ROBO1: variants seen among roughly 807,000 people sequenced by gnomAD.
ROBO1 encodes the protein roundabout homolog 1.
In ROBO1, 149 loss-of-function variants were observed where a neutral mutation model predicts 195.9. The observed-to-expected ratio is 0.76, with a 90% CI of 0.67 to 0.87. ROBO1 has a LOEUF of 0.87. ROBO1 is among the 40% of genes least tolerant of loss of function. The probability of loss-of-function intolerance (pLI) is 0.00; values close to 1 mark genes in which losing one functional copy is unlikely to be tolerated. For synonymous variants in ROBO1, 816 were observed against 733.2 expected, an observed-to-expected ratio of 1.11 and a Z score of -1.82; for missense variants, 1,933 against 2,068.3, an observed-to-expected ratio of 0.93 and a Z score of 1.27.
intron 4 of ROBO1, among the ~76,000 whole-genome samples, chr3:78,834,708 T>C (rs1349731434): frequency 6.6e-6 from 1 of 152,130 alleles, no homozygotes; most frequent in Non-Finnish European, 1.5e-5. Flanking sequence ...CTTGAGTTAC[T>C]AGGCACTGTC....
At chr3:78,924,686 C>G (rs1024480289) in intron 4 of ROBO1, among the ~76,000 whole-genome samples, 1 of 151,700 alleles carries the variant, frequency 6.6e-6, no homozygotes, top group Non-Finnish European at 1.5e-5. Context: ...TTCCTACCTC[C>G]CCTAAGTAGC....
At chr3:78,726,693 G>C (rs1479258076) in intron 5 of ROBO1, among the ~76,000 whole-genome samples, 2 of 152,134 alleles carry the variant, frequency 1.3e-5, no homozygotes, top group African/African-American at 4.8e-5. Flanking sequence ...AACTACAGAT[G>C]TGCCTGGCGT....
chr3:79,599,014 C>G (rs1222730828), intron 1 of ROBO1, among the ~76,000 whole-genome samples: 2 of 152,082 alleles, frequency 1.3e-5, no homozygotes, highest in Non-Finnish European at 2.9e-5. Flanking sequence ...CTTCACTCCC[C>G]TGCCACCTCC....
At chr3:78,628,326 C>T (rs979360624) in intron 25 of ROBO1, among the ~76,000 whole-genome samples, 1 of 152,134 alleles carries the variant, frequency 6.6e-6, no homozygotes, top group Non-Finnish European at 1.5e-5. Flanking sequence ...CCAATACAAC[C>T]CATTTTTTTT....
At chr3:79,499,818 TTTAA>T (rs1434197984) in intron 2 of ROBO1, among the ~76,000 whole-genome samples, 164 of 152,272 alleles carry the variant, frequency 1.1e-3, no homozygotes, top group African/African-American at 3.7e-3. Context: ...CAAGTTTTAA[TTTAA>T]TTAATTAATT....
intron 2 of ROBO1, among the ~76,000 whole-genome samples, chr3:79,236,793 T>G (rs907090945): frequency 6.6e-6 from 1 of 152,128 alleles, no homozygotes; most frequent in African/African-American, 2.4e-5. Flanking sequence ...AAATTAAAGA[T>G]AGTGAGCATA....
At chr3:79,704,724 T>C (rs1300092219) in intron 1 of ROBO1, among the ~76,000 whole-genome samples, 1 of 152,030 alleles carries the variant, frequency 6.6e-6, no homozygotes, top group Admixed American at 6.6e-5. Context: ...CACTGTGTCA[T>C]ATAATAGGAG....
intron 2 of ROBO1, among the ~76,000 whole-genome samples, chr3:79,330,568 C>G (rs1217860023): frequency 6.7e-6 from 1 of 149,510 alleles, no homozygotes; most frequent in African/African-American, 2.5e-5. Context: ...CTTTTTTTCA[C>G]CCTGTCTATG....
At chr3:78,809,961 C>T (rs1203844142) in intron 4 of ROBO1, among the ~76,000 whole-genome samples, 1 of 145,766 alleles carries the variant, frequency 6.9e-6, no homozygotes, top group Non-Finnish European at 1.5e-5. Context: ...ACGTTCTGCA[C>T]ATGTATCCCA....
chr3:79,190,755 G>A (rs552977019), intron 2 of ROBO1, among the ~76,000 whole-genome samples: 6 of 151,478 alleles, frequency 4.0e-5, no homozygotes, highest in East Asian at 3.9e-4. Flanking sequence ...CAAATGTCTC[G>A]CATCTCTAAG....
intron 1 of ROBO1, among the ~76,000 whole-genome samples, chr3:79,741,664 T>C (rs1330363871): frequency 1.3e-5 from 2 of 152,158 alleles, no homozygotes; most frequent in African/African-American, 4.8e-5. Context: ...AAAGTGACTT[T>C]GGAACTGGGT....
chr3:79,350,508 T>A (rs1418243185), intron 2 of ROBO1, among the ~76,000 whole-genome samples: 1 of 152,222 alleles, frequency 6.6e-6, no homozygotes. Context: ...GTAGCTATAT[T>A]CATAATAGAG....
At chr3:79,482,753 A>G (rs1016425210) in intron 2 of ROBO1, among the ~76,000 whole-genome samples, 1 of 152,232 alleles carries the variant, frequency 6.6e-6, no homozygotes, top group African/African-American at 2.4e-5. Context: ...AGATCTTCTA[A>G]GGACCGTGAT....
chr3:79,355,393 CAT>C (rs2035510653), intron 2 of ROBO1, among the ~76,000 whole-genome samples: 3 of 152,252 alleles, frequency 2.0e-5, no homozygotes, highest in East Asian at 1.9e-4. Flanking sequence ...TCACCCTAAA[CAT>C]GTGTCATTTC....
chr3:78,681,586 G>A (rs1026343636), intron 10 of ROBO1, among the ~76,000 whole-genome samples: 1 of 152,166 alleles, frequency 6.6e-6, no homozygotes, highest in African/African-American at 2.4e-5. Flanking sequence ...CTTCACGTTG[G>A]TGGAAACAAC....
In ROBO1 at chr3:78,795,067, T is replaced by C. The variant is rs542334142; in HGVS notation, c.500-48167A>G. ...GAAATTATGTCATGTGTTCAAGTTATTGATATATCACTGATATTTTCCTTG... is the reference window on the plus strand; with the variant it reads ...GAAATTATGTCATGTGTTCAAGTTACTGATATATCACTGATATTTTCCTTG... On this transcript the variant is annotated intron_variant, in intron 4 of 30. Transcript: ENST00000464233. Among the ~76,000 whole-genome samples the C allele has an allele frequency of 2.0e-4, 30 of 152,318 alleles. No homozygotes were observed. The South Asian group carries it at 5.8e-3, about 29-fold the overall frequency.
intron 2 of ROBO1, among the ~76,000 whole-genome samples, chr3:79,391,551 A>G (rs979359400): frequency 3.9e-5 from 6 of 152,056 alleles, no homozygotes; most frequent in Non-Finnish European, 5.9e-5. Context: ...CCCCATCTCC[A>G]TCCCAACACT....
chr3:79,241,671 T>C (rs1559758649), intron 2 of ROBO1, among the ~76,000 whole-genome samples: 1 of 150,674 alleles, frequency 6.6e-6, no homozygotes, highest in Non-Finnish European at 1.5e-5. Context: ...TGTGTAAATA[T>C]AGATAACAAT....
At chr3:79,606,199 A>G (rs1560032019) in intron 1 of ROBO1, among the ~76,000 whole-genome samples, 1 of 151,970 alleles carries the variant, frequency 6.6e-6, no homozygotes, top group East Asian at 1.9e-4. Flanking sequence ...TAAGTATAGT[A>G]AGAAAGACTA....
Sources: allele counts gnomAD v4.1 joint callset (sites outside exome capture counted in the v4.1 genomes callset), GRCh38; gene constraint gnomAD v4.1.1; transcripts MANE v1.5; gene names NCBI Gene and HGNC (gene_info 2026-07-23, HGNC 2026-07-21).